The following TMEM117 variants were observed in gnomAD, a reference collection of about 807,000 sequenced individuals.
TMEM117 encodes transmembrane protein 117.
TMEM117 carries 27 observed loss-of-function variants against 52.4 expected under a neutral mutation model. The ratio of observed to expected loss-of-function variants is 0.51; its 90% CI spans 0.38 to 0.71. TMEM117 has a LOEUF of 0.71. Among genes scored for constraint, TMEM117 ranks in the 30% least tolerant of loss-of-function variants. TMEM117 has a pLI of 0.00. For synonymous variants in TMEM117, 215 were observed against 206.3 expected (o/e 1.04, Z -0.36); for missense variants, 556 against 630.5 (o/e 0.88, Z 1.26).
chr12:44,012,266 G>T (rs1425779194), intron 3 of TMEM117, among the ~76,000 whole-genome samples: 1 of 151,872 alleles, frequency 6.6e-6, no homozygotes, highest in African/African-American at 2.4e-5. Flanking sequence ...ATTTGCCCAG[G>T]TGTTATGTGC....
At chr12:44,198,357 A>G (rs920040747) in intron 4 of TMEM117, among the ~76,000 whole-genome samples, 1 of 152,204 alleles carries the variant, frequency 6.6e-6, no homozygotes, top group Non-Finnish European at 1.5e-5. Context: ...GCATAAGAAA[A>G]TAATGCTATG....
At chr12:43,957,884 A>C (rs1318472939) in intron 3 of TMEM117, among the ~76,000 whole-genome samples, 1 of 152,234 alleles carries the variant, frequency 6.6e-6, no homozygotes, top group African/African-American at 2.4e-5. Flanking sequence ...TGGGGGAAGC[A>C]GTGCTAGCAC....
At chr12:44,131,261 G>C (rs1948409078) in intron 3 of TMEM117, among the ~76,000 whole-genome samples, 1 of 152,030 alleles carries the variant, frequency 6.6e-6, no homozygotes, top group Admixed American at 6.5e-5. Flanking sequence ...CCTGTTATTT[G>C]GAAGTGTCTC....
At chr12:44,223,440 C>T (rs1472380059) in intron 5 of TMEM117, among the ~76,000 whole-genome samples, 1 of 146,518 alleles carries the variant, frequency 6.8e-6, no homozygotes, top group Non-Finnish European at 1.5e-5. Context: ...CCATACCAGA[C>T]CTTCTCCCTT....
chr12:44,388,366 C>T lies in TMEM117; in HGVS notation c.1239C>T (p.Phe413=). Residue 413 remains phenylalanine, a synonymous_variant, in exon 8 of 8, where the codon TTC becomes TTT. Coordinates refer to ENST00000266534, the MANE Select transcript of TMEM117 (RefSeq NM_032256.3). ...TGTGGTTTGGATTCTTTATTTGGTT[C>T]TTTGGACGATTTTTGAAAAATGAGC... ...AFVWFGFFIW[F]FGRFLKNEPR... is the part of the protein sequence containing the mutation. 1 of 1,613,446 alleles carries T rather than the reference C, an allele frequency of 6.2e-7. No individual in the cohort carries two copies.
At chr12:43,918,884 A>G (rs914934833) in intron 2 of TMEM117, among the ~76,000 whole-genome samples, 6 of 152,244 alleles carry the variant, frequency 3.9e-5, no homozygotes, top group African/African-American at 1.2e-4. Context: ...GTACAATTTG[A>G]TACTGTAACT....
chr12:44,380,290 G>C (rs928037377), intron 7 of TMEM117, among the ~76,000 whole-genome samples: 1 of 152,158 alleles, frequency 6.6e-6, no homozygotes, highest in African/African-American at 2.4e-5. Context: ...TTGGGGAAAG[G>C]TGCTGGTCTG....
intron 2 of TMEM117, among the ~76,000 whole-genome samples, chr12:43,905,142 T>TAA (rs1944364614): frequency 7.5e-6 from 1 of 134,098 alleles, no homozygotes; most frequent in African/African-American, 3.7e-5. Flanking sequence ...AAACTCGGTC[T>TAA]CAAAAAAAAA....
chr12:44,185,915 C>T (rs1055451606), intron 4 of TMEM117, among the ~76,000 whole-genome samples: 26 of 149,820 alleles, frequency 1.7e-4, no homozygotes, highest in African/African-American at 5.7e-4. Flanking sequence ...CACACACACA[C>T]GTGCTCCTAC....
At chr12:44,082,433 G>A (rs1947496771) in intron 3 of TMEM117, among the ~76,000 whole-genome samples, 1 of 151,716 alleles carries the variant, frequency 6.6e-6, no homozygotes, top group African/African-American at 2.4e-5. Context: ...GTATCTATAG[G>A]GATATAGGCA....
chr12:44,317,406 T>A (rs528153842), intron 6 of TMEM117, among the ~76,000 whole-genome samples: 1 of 152,128 alleles, frequency 6.6e-6, no homozygotes, highest in South Asian at 2.1e-4. Context: ...TTTGTTTTTG[T>A]TTTTGAGACA....
chr12:43,921,734 C>T (rs1164407451), intron 2 of TMEM117, among the ~76,000 whole-genome samples: 1 of 152,230 alleles, frequency 6.6e-6, no homozygotes, highest in East Asian at 1.9e-4. Context: ...AACTAAATAT[C>T]AAGTTTCCTG....
chr12:43,890,656 C>T (rs939678944), intron 2 of TMEM117, among the ~76,000 whole-genome samples: 4 of 152,038 alleles, frequency 2.6e-5, no homozygotes, highest in African/African-American at 7.3e-5. Context: ...CTCAGCCTCC[C>T]GAGTAACTGG....
intron 3 of TMEM117, among the ~76,000 whole-genome samples, chr12:44,106,394 A>G (rs1947954733): frequency 1.3e-5 from 2 of 152,130 alleles, no homozygotes; most frequent in Non-Finnish European, 2.9e-5. Flanking sequence ...ATTTAAAAAA[A>G]TTGAACTCCA....
intron 5 of TMEM117, among the ~76,000 whole-genome samples, chr12:44,237,720 T>TA (rs1408109680): frequency 5.9e-4 from 87 of 147,112 alleles, no homozygotes; most frequent in African/African-American, 9.9e-4. Context: ...CTGTCTCAAT[T>TA]AAAAAAAAAA....
chr12:43,988,385 T>C (rs565655385), intron 3 of TMEM117, among the ~76,000 whole-genome samples: 1 of 152,260 alleles, frequency 6.6e-6, no homozygotes, highest in South Asian at 2.1e-4. Flanking sequence ...TATGTCCATA[T>C]ATATCACACA....
At chr12:43,979,749 T>C (rs1343894196) in intron 3 of TMEM117, among the ~76,000 whole-genome samples, 1 of 152,136 alleles carries the variant, frequency 6.6e-6, no homozygotes, top group African/African-American at 2.4e-5. Context: ...CAAAGGCTGT[T>C]TGATATTCTA....
chr12:44,366,032 A>G (rs1249461379), intron 6 of TMEM117, among the ~76,000 whole-genome samples: 1 of 152,070 alleles, frequency 6.6e-6, no homozygotes, highest in South Asian at 2.1e-4. Context: ...TTATTTATCA[A>G]TGTTATTTTA....
intron 4 of TMEM117, among the ~76,000 whole-genome samples, chr12:44,200,613 T>C (rs1298804025): frequency 6.6e-6 from 1 of 152,192 alleles, no homozygotes; most frequent in African/African-American, 2.4e-5. Context: ...TAGAGAAGTT[T>C]TGGCAATCAA....
Sources: allele counts gnomAD v4.1 joint callset (sites outside exome capture counted in the v4.1 genomes callset), GRCh38; gene constraint gnomAD v4.1.1; transcripts MANE v1.5; gene names NCBI Gene and HGNC (gene_info 2026-07-23, HGNC 2026-07-21).